TMCO1: variants seen among roughly 807,000 people sequenced by gnomAD.
TMCO1 encodes the protein transmembrane and coiled-coil domains 1.
TMCO1 carries 29 observed loss-of-function variants against 29.3 expected under a neutral mutation model. That is an observed-to-expected ratio of 0.99 (90% CI 0.74 to 1.35). The LOEUF (loss-of-function observed/expected upper bound fraction) is 1.35. Ranked by LOEUF, TMCO1 falls within the 40% of genes most tolerant of loss-of-function variation. TMCO1 has a pLI of 0.00. For synonymous variants in TMCO1, 80 were observed against 77.1 expected (o/e 1.04, Z -0.20); for missense variants, 173 against 225.5 (o/e 0.77, Z 1.49).
chr1:165,750,203 A>T (rs1651944360), intron 5 of TMCO1, among the ~76,000 whole-genome samples: 1 of 152,200 alleles, frequency 6.6e-6, no homozygotes. Flanking sequence ...TATACATACT[A>T]TCTAAAAATT....
intron 6 of TMCO1, among the ~76,000 whole-genome samples, chr1:165,740,525 A>G (rs899248853): frequency 6.6e-6 from 1 of 152,136 alleles, no homozygotes; most frequent in Non-Finnish European, 1.5e-5. Context: ...TGTTTTATTA[A>G]GATGTCAACC....
intron 5 of TMCO1, among the ~76,000 whole-genome samples, chr1:165,749,285 C>A (rs1363043276): frequency 3.3e-5 from 2 of 60,048 alleles, no homozygotes; most frequent in Non-Finnish European, 6.2e-5. Context: ...TTATAAAACT[C>A]CATATATGAT....
intron 5 of TMCO1, among the ~76,000 whole-genome samples, chr1:165,744,982 C>T (rs1185519197): frequency 6.6e-6 from 1 of 151,664 alleles, no homozygotes; most frequent in Non-Finnish European, 1.5e-5. Context: ...TTCCTTAAAG[C>T]ATCTGCCAGC....
chr1:165,731,329 C>T (rs1651154414), intron 6 of TMCO1, among the ~76,000 whole-genome samples: 1 of 152,212 alleles, frequency 6.6e-6, no homozygotes, highest in African/African-American at 2.4e-5. Flanking sequence ...TCCTGAGCAC[C>T]TACAATGTAT....
At chr1:165,750,554 A>G (rs868303527) in intron 5 of TMCO1, among the ~76,000 whole-genome samples, 182 of 129,160 alleles carry the variant, frequency 1.4e-3, no homozygotes, top group Middle Eastern at 7.4e-3. Flanking sequence ...AAAAAAAAAG[A>G]AAAAAAAAAA....
chr1:165,730,784 G>C lies in TMCO1; in HGVS notation c.469-2663C>G, dbSNP rs184310546. ...AATTTTTGCATTTTTAATAGAGTTG[G>C]GGTTTTGCCATGTTGGCCACGCTGG... On this transcript the variant is annotated intron_variant, in intron 6 of 6. Transcript: ENST00000367881. Among the ~76,000 whole-genome samples, 24 of 152,002 alleles carry C rather than the reference G, an allele frequency of 1.6e-4. No individual in the cohort carries two copies. The East Asian group carries it at 4.7e-3, about 29-fold the overall frequency.
chr1:165,725,297 C>T, downstream of TMCO1: 1 of 453,948 alleles, frequency 2.2e-6, no homozygotes, highest in Non-Finnish European at 4.4e-6. Flanking sequence ...TCTAGAAGCT[C>T]TATCAATTGT....
At chr1:165,753,200 C>T (rs1035924468) in intron 4 of TMCO1, among the ~76,000 whole-genome samples, 8 of 151,974 alleles carry the variant, frequency 5.3e-5, no homozygotes, top group South Asian at 2.1e-4. Flanking sequence ...GAGCCAGGCA[C>T]GGTAGCTCAC....
intron 4 of TMCO1, among the ~76,000 whole-genome samples, chr1:165,752,992 G>A: frequency 6.6e-6 from 1 of 152,070 alleles, no homozygotes; most frequent in Non-Finnish European, 1.5e-5. Context: ...GCACAGTTCA[G>A]GTGTCCTGTG....
At chr1:165,739,338 AT>A in intron 6 of TMCO1, among the ~76,000 whole-genome samples, 1 of 152,180 alleles carries the variant, frequency 6.6e-6, no homozygotes, top group South Asian at 2.1e-4. Flanking sequence ...AACTCATCAC[AT>A]TTTTAGAAAT....
At chr1:165,726,015 A>G (rs1446070276), downstream of TMCO1, 1 of 687,102 alleles carries the variant, frequency 1.5e-6, no homozygotes, top group South Asian at 1.5e-5. Flanking sequence ...AGAAAGCACC[A>G]ACTTCAAAGC....
chr1:165,747,094 C>T (rs149278171), intron 5 of TMCO1, among the ~76,000 whole-genome samples: 5 of 151,942 alleles, frequency 3.3e-5, no homozygotes, highest in Non-Finnish European at 7.4e-5. Context: ...AACCCCATCT[C>T]TACTAAAAAT....
intron 3 of TMCO1, among the ~76,000 whole-genome samples, chr1:165,755,922 G>A (rs1281704649): frequency 6.6e-6 from 1 of 151,746 alleles, no homozygotes; most frequent in Non-Finnish European, 1.5e-5. Context: ...TCCTCTCTCA[G>A]GAATTTATGC....
intron 2 of TMCO1, 146 bp from the exon 3 acceptor site, chr1:165,759,730 A>ACTCT: frequency 1.5e-6 from 1 of 664,442 alleles, no homozygotes. Flanking sequence ...TAACTGGTCC[A>ACTCT]CTCTCATAGC....
At chr1:165,742,938 A>G (rs1651649410) in intron 6 of TMCO1, among the ~76,000 whole-genome samples, 1 of 152,166 alleles carries the variant, frequency 6.6e-6, no homozygotes, top group South Asian at 2.1e-4. Flanking sequence ...TAAGAATGGG[A>G]TGTGGAATCC....
chr1:165,736,422 TA>T (rs1183420510), intron 6 of TMCO1, among the ~76,000 whole-genome samples: 7 of 152,074 alleles, frequency 4.6e-5, no homozygotes, highest in Admixed American at 6.6e-5. Flanking sequence ...AATATACTGT[TA>T]CTTAAGAGAA....
At chr1:165,746,358 T>C (rs1156292250) in intron 5 of TMCO1, among the ~76,000 whole-genome samples, 3 of 151,384 alleles carry the variant, frequency 2.0e-5, no homozygotes, top group African/African-American at 7.3e-5. Context: ...TATCCTTTTA[T>C]AAGAAACCTG....
chr1:165,748,818 C>T (rs1297762398), intron 5 of TMCO1, among the ~76,000 whole-genome samples: 1 of 152,140 alleles, frequency 6.6e-6, no homozygotes, highest in Non-Finnish European at 1.5e-5. Flanking sequence ...TCTCATTGCC[C>T]TAAAGAATCC....
At chr1:165,747,225 C>A (rs1651831983) in intron 5 of TMCO1, among the ~76,000 whole-genome samples, 1 of 139,544 alleles carries the variant, frequency 7.2e-6, no homozygotes, top group Non-Finnish European at 1.5e-5. Flanking sequence ...CGTGCCACTG[C>A]ACTCTAGCCT....
Sources: gnomAD v4.1 joint callset for allele counts (sites outside exome capture counted in the v4.1 genomes callset) on GRCh38, gnomAD v4.1.1 for gene constraint, MANE v1.5 for transcripts, NCBI Gene and HGNC (gene_info 2026-07-23, HGNC 2026-07-21) for gene names.